ITGA2: variants seen among roughly 807,000 people sequenced by gnomAD.
The protein encoded by ITGA2 is integrin alpha-2.
A neutral mutation model predicts 146.3 loss-of-function variants in ITGA2; 101 were observed. The ratio of observed to expected loss-of-function variants is 0.69; its 90% CI spans 0.59 to 0.81. ITGA2 has a LOEUF of 0.81. ITGA2 is among the 40% of genes least tolerant of loss of function. The pLI, the probability that ITGA2 is intolerant of heterozygous loss-of-function variation, is 0.00. For missense variants in ITGA2, 1,281 were observed against 1,402.7 expected (o/e 0.91, Z 1.39); for synonymous variants, 477 against 487.1 (o/e 0.98, Z 0.27).
At chr5:53,022,854 C>T (rs1185484175) in intron 1 of ITGA2, among the ~76,000 whole-genome samples, 2 of 152,182 alleles carry the variant, frequency 1.3e-5, no homozygotes, top group African/African-American at 4.8e-5. Context: ...CATGAGTTAA[C>T]TTATGCTTGA....
chr5:53,044,676 A>G (rs1327352812), intron 3 of ITGA2, among the ~76,000 whole-genome samples: 1 of 152,132 alleles, frequency 6.6e-6, no homozygotes, highest in African/African-American at 2.4e-5. Flanking sequence ...TGACTTTCAA[A>G]AGAGAGGCAA....
At chr5:53,047,232 A>G (rs1188242720) in intron 4 of ITGA2, among the ~76,000 whole-genome samples, 1 of 152,140 alleles carries the variant, frequency 6.6e-6, no homozygotes, top group Non-Finnish European at 1.5e-5. Context: ...CAGTTTTATA[A>G]CTGATTCACA....
At position 53,078,818 on chromosome 5, in the gene ITGA2, C is replaced by T. The variant is rs1214411629; in HGVS notation, c.2872C>T (p.Pro958Ser). The stretch of plus-strand genomic sequence containing the variant: ...TGAAATCTCTTCGGATGGGAATGTT[C>T]CTTCAATCGTGCACAGTTTTGAAGA... ...FYEISSDGNV[P>S]SIVHSFEDVG... Residue 958 changes from proline (P) to serine (S), a missense_variant, in exon 24 of 30, where the codon CCT (proline) becomes TCT (serine). Coordinates refer to ENST00000296585, the MANE Select transcript of ITGA2 (RefSeq NM_002203.4). 6.2e-7 allele frequency: 1 copy of T among 1,611,730 alleles called. No individual in the cohort carries two copies. The highest frequency in any genetic ancestry group is 8.5e-7 in the Non-Finnish European group (1 of 1,178,506).
At chr5:53,039,020 G>A (rs556085928) in intron 2 of ITGA2, among the ~76,000 whole-genome samples, 1 of 152,264 alleles carries the variant, frequency 6.6e-6, no homozygotes, top group Non-Finnish European at 1.5e-5. Context: ...TTGAACCCAG[G>A]AAGTGGAGGT....
intron 1 of ITGA2, among the ~76,000 whole-genome samples, chr5:53,012,470 ATTTTTAAACAATACCAT>A (rs1742182300): frequency 6.6e-6 from 1 of 152,028 alleles, no homozygotes; most frequent in African/African-American, 2.4e-5. Flanking sequence ...TATTATTTTT[ATTTTTAAACAATACCAT>A]TGTTGGGCTA....
intron 1 of ITGA2, among the ~76,000 whole-genome samples, chr5:53,021,866 T>TG (rs902942092): frequency 4.9e-4 from 74 of 152,194 alleles, no homozygotes; most frequent in Admixed American, 1.6e-3. Context: ...GTCCACCTCT[T>TG]GCTTTTGGCC....
intron 1 of ITGA2, among the ~76,000 whole-genome samples, chr5:53,020,583 A>T (rs1682634816): frequency 6.6e-6 from 1 of 152,100 alleles, no homozygotes; most frequent in Admixed American, 6.5e-5. Flanking sequence ...GAAATAAAAT[A>T]GCTCATGCTT....
At chr5:53,067,537 TC>T (rs1462150602) in intron 16 of ITGA2, among the ~76,000 whole-genome samples, 1 of 151,864 alleles carries the variant, frequency 6.6e-6, no homozygotes, top group African/African-American at 2.4e-5. Context: ...TTCTCTTACC[TC>T]CATTTCTCTT....
chr5:52,999,938 A>C (rs1278180071), intron 1 of ITGA2, among the ~76,000 whole-genome samples: 2 of 152,174 alleles, frequency 1.3e-5, no homozygotes. Context: ...GAAGTCCCCT[A>C]TATGTTCTTT....
At chr5:53,047,957 G>A (rs942234692) in intron 4 of ITGA2, among the ~76,000 whole-genome samples, 13 of 152,198 alleles carry the variant, frequency 8.5e-5, no homozygotes, top group African/African-American at 3.1e-4. Flanking sequence ...TTAAAAGATA[G>A]AATGTGTGGT....
chr5:53,029,553 T>C (rs1050745045), intron 2 of ITGA2, among the ~76,000 whole-genome samples: 1 of 152,234 alleles, frequency 6.6e-6, no homozygotes, highest in African/African-American at 2.4e-5. Context: ...TTCTTCCTCA[T>C]AGACCTTTCA....
At chr5:53,031,635 A>G (rs983654076) in intron 2 of ITGA2, among the ~76,000 whole-genome samples, 15 of 152,230 alleles carry the variant, frequency 9.9e-5, no homozygotes, top group African/African-American at 3.4e-4. Context: ...TCATTGCACT[A>G]TGAACTTCAA....
At chr5:52,993,555 A>C (rs1172117127) in intron 1 of ITGA2, among the ~76,000 whole-genome samples, 1 of 152,128 alleles carries the variant, frequency 6.6e-6, no homozygotes, top group Non-Finnish European at 1.5e-5. Flanking sequence ...AGTGGCTGTG[A>C]GCGGCTGTGT....
At chr5:53,067,365 T>C in intron 16 of ITGA2, 108 bp downstream of exon 16, 2 of 1,191,094 alleles carry the variant, frequency 1.7e-6, no homozygotes, top group Admixed American at 3.8e-5. Flanking sequence ...GGGTTTTAGT[T>C]ATAGACACTT....
intron 1 of ITGA2, among the ~76,000 whole-genome samples, chr5:53,016,936 T>C (rs754432304): frequency 1.1e-4 from 17 of 152,260 alleles, no homozygotes; most frequent in Non-Finnish European, 1.8e-4. Context: ...CTGTATCAGA[T>C]GAATATTTCT....
intron 1 of ITGA2, among the ~76,000 whole-genome samples, chr5:53,014,732 C>G (rs1243764828): frequency 6.6e-6 from 1 of 152,038 alleles, no homozygotes; most frequent in Non-Finnish European, 1.5e-5. Flanking sequence ...TGGTCCTGGG[C>G]TTTTTCTGGT....
Position 53,065,837 on chromosome 5 carries a change from T to G in ITGA2, c.1807-4T>G, listed in dbSNP as rs1469686008. On this transcript the variant is annotated splice_region_variant and splice_polypyrimidine_tract_variant and intron_variant, in intron 14 of 29. Transcript: ENST00000296585. ...ATAATTTCGTGTCAAACCTGCTCTT[T>G]TAGAAAATCTTGGGATCCGATGGAG... is the stretch of plus-strand genomic sequence containing the variant. The G allele has an allele frequency of 6.2e-7, 1 of 1,611,804 alleles. No homozygotes were observed. Among genetic ancestry groups the G allele is most frequent in the South Asian group, 1.1e-5 (1 of 91,056 alleles).
At chr5:53,071,909 C>T (rs746873425) in intron 17 of ITGA2, 29 bp from the exon 18 acceptor site, 2 of 1,500,172 alleles carry the variant, frequency 1.3e-6, no homozygotes, top group Non-Finnish European at 1.9e-6. Context: ...TCTGTCTCCC[C>T]CTGTATGTTT....
chr5:53,027,032 G>A (rs373041687), intron 2 of ITGA2, among the ~76,000 whole-genome samples, 164 bp downstream of exon 2: 1 of 152,188 alleles, frequency 6.6e-6, no homozygotes, highest in East Asian at 1.9e-4. Context: ...ACTGCAGACT[G>A]ATCATTAATG....
Sources: gnomAD v4.1 joint callset for allele counts (sites outside exome capture counted in the v4.1 genomes callset) on GRCh38, gnomAD v4.1.1 for gene constraint, MANE v1.5 for transcripts, NCBI Gene and HGNC (gene_info 2026-07-23, HGNC 2026-07-21) for gene names.